Variants in MCOLN2 observed in about 807,000 individuals in gnomAD.
MCOLN2 encodes the protein mucolipin-2.
A neutral mutation model predicts 67.5 loss-of-function variants in MCOLN2; 57 were observed. That is an observed-to-expected ratio of 0.84 (90% confidence interval 0.68 to 1.05). The LOEUF is 1.05. MCOLN2 is among the 50% of genes least tolerant of loss of function. The pLI, the probability that MCOLN2 is intolerant of heterozygous loss-of-function variation, is 0.00. For missense variants in MCOLN2, 620 were observed against 678.8 expected, an observed-to-expected ratio of 0.91 and a Z score of 0.96; for synonymous variants, 246 against 233.3, an observed-to-expected ratio of 1.05 and a Z score of -0.50.
chr1:84,954,173 C>T (rs1648660435), intron 4 of MCOLN2, among the ~76,000 whole-genome samples: 1 of 152,214 alleles, frequency 6.6e-6, no homozygotes, highest in Admixed American at 6.5e-5. Context: ...ACACGGGATA[C>T]ACTTACGTTT....
chr1:84,960,173 C>CATTTTTTTTT (rs1649008012), intron 2 of MCOLN2, among the ~76,000 whole-genome samples: 1 of 152,128 alleles, frequency 6.6e-6, no homozygotes, highest in Non-Finnish European at 1.5e-5. Context: ...AAAATAATCA[C>CATTTTTTTTT]CATTTTCAGC....
At chr1:84,967,620 T>A (rs1217640368) in intron 1 of MCOLN2, among the ~76,000 whole-genome samples, 1 of 151,904 alleles carries the variant, frequency 6.6e-6, no homozygotes, top group African/African-American at 2.4e-5. Flanking sequence ...GTTTCTAGTA[T>A]TAGTGGGCTA....
In MCOLN2 at chr1:84,982,901, A is replaced by G. The variant is rs143521892; in HGVS notation, c.77+13895T>C. The stretch of plus-strand genomic sequence containing the variant: ...ATTATTATTATTTTTTATTTTTAGT[A>G]GTGACAGGGTTTCACTGCGTTGGCC... On this transcript the variant is annotated intron_variant, in intron 1 of 13. Coordinates refer to ENST00000370608, the MANE Select transcript of MCOLN2 (RefSeq NM_153259.4). Among the ~76,000 whole-genome samples the G allele has an allele frequency of 2.6e-5, 4 of 152,164 alleles. No individual in the cohort carries two copies. In the East Asian group the frequency reaches 7.7e-4, roughly 29 times the overall value.
At chr1:84,949,497 T>G (rs112786197) in intron 6 of MCOLN2, among the ~76,000 whole-genome samples, 1 of 151,800 alleles carries the variant, frequency 6.6e-6, no homozygotes, top group African/African-American at 2.4e-5. Flanking sequence ...AAAAATTAGC[T>G]GGGCGTGGTG....
At chr1:84,955,448 T>A (rs613190) in intron 4 of MCOLN2, among the ~76,000 whole-genome samples, 53,874 of 151,888 alleles carry the variant, frequency 0.35, 9,929 homozygotes, top group African/African-American at 0.44. Flanking sequence ...AATCAAGCAC[T>A]AAGACCTCCA....
chr1:84,973,541 G>A (rs1465335875), intron 1 of MCOLN2, among the ~76,000 whole-genome samples: 2 of 152,112 alleles, frequency 1.3e-5, no homozygotes, highest in African/African-American at 4.8e-5. Context: ...GAGACATCCT[G>A]GGGAAATTGT....
intron 1 of MCOLN2, among the ~76,000 whole-genome samples, chr1:84,992,758 A>AC (rs1435409105): frequency 7.1e-6 from 1 of 141,574 alleles, no homozygotes; most frequent in Non-Finnish European, 1.6e-5. Context: ...TGTCTAAAAA[A>AC]ACCACCTTAA....
intron 1 of MCOLN2, among the ~76,000 whole-genome samples, chr1:84,967,790 A>G (rs1649457217): frequency 7.6e-5 from 10 of 132,272 alleles, no homozygotes; most frequent in Middle Eastern, 3.5e-3. Flanking sequence ...GGGAAGGAGA[A>G]AAAGGAGAGA....
At chr1:84,953,850 A>G (rs1267598538) in intron 4 of MCOLN2, among the ~76,000 whole-genome samples, 2 of 152,270 alleles carry the variant, frequency 1.3e-5, no homozygotes, top group East Asian at 3.9e-4. Flanking sequence ...GGTCACAGAA[A>G]CCTAGTGACA....
At chr1:84,930,742 C>T (rs1305969211) in intron 12 of MCOLN2, among the ~76,000 whole-genome samples, 3 of 152,170 alleles carry the variant, frequency 2.0e-5, no homozygotes. Flanking sequence ...CCTGGTTTTT[C>T]AGTCACTGAC....
intron 1 of MCOLN2, among the ~76,000 whole-genome samples, chr1:84,991,359 G>A (rs866971199): frequency 2.0e-5 from 3 of 152,236 alleles, no homozygotes; most frequent in South Asian, 2.1e-4. Context: ...CAACTCGCAC[G>A]TCATTTTTTC....
intron 11 of MCOLN2, among the ~76,000 whole-genome samples, chr1:84,933,279 C>A (rs1288769451): frequency 2.6e-5 from 4 of 152,070 alleles, no homozygotes; most frequent in Non-Finnish European, 5.9e-5. Context: ...CCCTGTACTC[C>A]AACTAGATAC....
intron 7 of MCOLN2, 114 bp downstream of exon 7, chr1:84,946,919 G>C: frequency 1.7e-6 from 1 of 593,366 alleles, no homozygotes; most frequent in Non-Finnish European, 3.0e-6. Context: ...TCTAATGCTC[G>C]AGGCGGTTTT....
intron 11 of MCOLN2, among the ~76,000 whole-genome samples, chr1:84,932,386 ATT>A (rs915866307): frequency 6.6e-6 from 1 of 151,746 alleles, no homozygotes. Context: ...TAATTTTTGT[ATT>A]TTTTTGTAGA....
chr1:84,938,986 A>C (rs1373400630), intron 9 of MCOLN2, among the ~76,000 whole-genome samples: 1 of 152,186 alleles, frequency 6.6e-6, no homozygotes, highest in African/African-American at 2.4e-5. Context: ...AGCCTGAAGA[A>C]AGCCAGAGGG....
At chr1:84,944,953 G>T (rs770873134) in intron 7 of MCOLN2, among the ~76,000 whole-genome samples, 1 of 152,174 alleles carries the variant, frequency 6.6e-6, no homozygotes, top group East Asian at 1.9e-4. Flanking sequence ...TCCTAAGATG[G>T]TTTCCAAACA....
At chr1:84,932,983 T>C (rs541324709) in intron 11 of MCOLN2, among the ~76,000 whole-genome samples, 71 of 152,306 alleles carry the variant, frequency 4.7e-4, no homozygotes, top group African/African-American at 1.6e-3. Context: ...AGTTCCTCCT[T>C]TATGCAGCCT....
intron 1 of MCOLN2, among the ~76,000 whole-genome samples, chr1:84,992,605 GA>G (rs1650946369): frequency 6.6e-6 from 1 of 152,344 alleles, no homozygotes; most frequent in African/African-American, 2.4e-5. Context: ...GCACACCTCA[GA>G]GATATTGCAA....
At chr1:84,948,446 C>T (rs899151222) in intron 6 of MCOLN2, among the ~76,000 whole-genome samples, 10 of 152,120 alleles carry the variant, frequency 6.6e-5, no homozygotes, top group Non-Finnish European at 7.3e-5. Flanking sequence ...AAAGTCTATC[C>T]CTGTGAAAGC....
Sources: allele counts gnomAD v4.1 joint callset (sites outside exome capture counted in the v4.1 genomes callset), GRCh38; gene constraint gnomAD v4.1.1; transcripts MANE v1.5; gene names NCBI Gene and HGNC (gene_info 2026-07-23, HGNC 2026-07-21).